PCDH15: variants seen among roughly 807,000 people sequenced by gnomAD.
PCDH15 encodes protocadherin related 15.
In PCDH15, 129 loss-of-function variants were observed where a neutral mutation model predicts 178.5. That is an observed-to-expected ratio of 0.72 (90% CI 0.63 to 0.84). The LOEUF (loss-of-function observed/expected upper bound fraction) is 0.84, where lower values mean the gene tolerates loss of function less well. PCDH15 is among the 40% of genes least tolerant of loss of function. The pLI is 0.00. For missense variants in PCDH15, 2,230 were observed against 2,099.9 expected, an observed-to-expected ratio of 1.06 and a Z score of -1.21; for synonymous variants, 800 against 732.0, an observed-to-expected ratio of 1.09 and a Z score of -1.50.
chr10:53,949,938 G>A (rs910478781), intron 23 of PCDH15, among the ~76,000 whole-genome samples: 3 of 152,000 alleles, frequency 2.0e-5, no homozygotes, highest in African/African-American at 7.2e-5. Context: ...CTAATCCTTT[G>A]TTAAATATAC....
At chr10:55,240,054 G>C (rs1841499177) in intron 1 of PCDH15, among the ~76,000 whole-genome samples, 1 of 152,142 alleles carries the variant, frequency 6.6e-6, no homozygotes, top group Admixed American at 6.5e-5. Context: ...TGTGGAGGAA[G>C]CGGAACCCTT....
intron 2 of PCDH15, among the ~76,000 whole-genome samples, chr10:55,569,270 T>C (rs1842361351): frequency 6.6e-6 from 1 of 152,016 alleles, no homozygotes; most frequent in South Asian, 2.1e-4. Flanking sequence ...ATAAGATGCT[T>C]CAGTACTTTC....
At position 55,044,560 on chromosome 10, in the gene PCDH15, T is replaced by A. The variant is rs141955143; in HGVS notation, c.-80+122016A>T. On this transcript the variant is annotated intron_variant, in intron 2 of 5. Coordinates refer to the PCDH15 transcript ENST00000458638. Reference sequence around the variant, plus strand: ...AGGAAATCAGAGGTATTGACATACCTCTACATTCTCTAGACTCAAAGCCAA... The same window carrying A: ...AGGAAATCAGAGGTATTGACATACCACTACATTCTCTAGACTCAAAGCCAA... Among the ~76,000 whole-genome samples the A allele has an allele frequency of 4.5e-3, 687 of 152,236 alleles. 8 individuals carry two copies. The highest frequency in any genetic ancestry group is 0.02 in the Middle Eastern group (6 of 294).
intron 9 of PCDH15, among the ~76,000 whole-genome samples, chr10:54,232,161 C>T (rs750372089): frequency 5.6e-4 from 85 of 152,226 alleles, no homozygotes; most frequent in Non-Finnish European, 8.2e-4. Context: ...GGTAGGAGGT[C>T]ATTGAATAAT....
chr10:54,759,713 T>A (rs987543246), intron 1 of PCDH15, among the ~76,000 whole-genome samples: 11 of 152,198 alleles, frequency 7.2e-5, no homozygotes, highest in Non-Finnish European at 1.3e-4. Context: ...ATGCACACTA[T>A]CAGGACATAA....
chr10:55,060,046 C>T (rs1399836291), intron 2 of PCDH15, among the ~76,000 whole-genome samples: 1 of 151,868 alleles, frequency 6.6e-6, no homozygotes. Flanking sequence ...TCCCACTGTT[C>T]AGCTCTACTG....
chr10:54,799,861 CA>C (rs1043591456), intron 1 of PCDH15, among the ~76,000 whole-genome samples: 1 of 151,006 alleles, frequency 6.6e-6, no homozygotes, highest in Non-Finnish European at 1.5e-5. Flanking sequence ...GAAAAGAAAA[CA>C]AAAAAACAGT....
intron 2 of PCDH15, among the ~76,000 whole-genome samples, chr10:55,078,003 T>C (rs1275488890): frequency 6.6e-6 from 1 of 152,230 alleles, no homozygotes; most frequent in African/African-American, 2.4e-5. Context: ...CTTGTAGGAC[T>C]GGTCTGGTTG....
chr10:55,355,405 T>G (rs1845050451), intron 2 of PCDH15, among the ~76,000 whole-genome samples: 2 of 151,956 alleles, frequency 1.3e-5, no homozygotes, highest in South Asian at 2.1e-4. Context: ...GCATTTGGTG[T>G]TGTAGTTTTG....
intron 1 of PCDH15, among the ~76,000 whole-genome samples, chr10:55,251,766 A>G (rs1841844318): frequency 1.3e-5 from 2 of 152,314 alleles, no homozygotes; most frequent in Non-Finnish European, 2.9e-5. Flanking sequence ...TTGTCAGGAT[A>G]CACTAGGTTA....
intron 3 of PCDH15, among the ~76,000 whole-genome samples, chr10:54,824,878 T>C (rs1230150048): frequency 6.6e-6 from 1 of 152,136 alleles, no homozygotes; most frequent in Non-Finnish European, 1.5e-5. Flanking sequence ...CTTTTATTTT[T>C]TATTATTATT....
chr10:55,314,700 TAGA>T (rs1290853879), intron 1 of PCDH15, among the ~76,000 whole-genome samples: 10 of 152,180 alleles, frequency 6.6e-5, no homozygotes, highest in Non-Finnish European at 1.2e-4. Context: ...TCAAATGTAG[TAGA>T]ATTGTCTTCT....
intron 2 of PCDH15, among the ~76,000 whole-genome samples, chr10:54,627,049 G>A (rs925150300): frequency 7.2e-5 from 11 of 152,148 alleles, no homozygotes; most frequent in African/African-American, 1.2e-4. Flanking sequence ...CCTTTGCTTC[G>A]GCAAATTTCT....
At chr10:55,592,654 C>T (rs1842865162) in intron 2 of PCDH15, among the ~76,000 whole-genome samples, 1 of 152,066 alleles carries the variant, frequency 6.6e-6, no homozygotes, top group African/African-American at 2.4e-5. Flanking sequence ...TGAATGCACA[C>T]CTAAAATATC....
chr10:53,864,984 C>T lies in PCDH15; in HGVS notation c.3717+1658G>A, dbSNP rs1016200530. ...GGCATGGTGGTGAGTGCTTGCAGTC[C>T]TAGGTGCTAGGGTGGCTGAGGTGGG... On this transcript the variant is annotated intron_variant, in intron 27 of 37. Transcript: ENST00000644397. 7.9e-5 allele frequency among the ~76,000 whole-genome samples: 12 copies of T among 151,984 alleles called. No homozygotes were observed. In the South Asian group the frequency reaches 2.3e-3, roughly 29 times the overall value.
chr10:54,338,153 A>C (rs943286844), intron 6 of PCDH15, among the ~76,000 whole-genome samples: 5 of 152,196 alleles, frequency 3.3e-5, no homozygotes, highest in Non-Finnish European at 7.3e-5. Context: ...TTTGAAACTT[A>C]AAAGTCACAG....
At chr10:54,545,045 T>A (rs1590018348) in intron 2 of PCDH15, among the ~76,000 whole-genome samples, 1 of 152,058 alleles carries the variant, frequency 6.6e-6, no homozygotes, top group Non-Finnish European at 1.5e-5. Flanking sequence ...GTTCATGAAC[T>A]TGACACTAAG....
intron 20 of PCDH15, among the ~76,000 whole-genome samples, chr10:53,995,985 C>G (rs2134908546): frequency 6.6e-6 from 1 of 152,178 alleles, no homozygotes; most frequent in Non-Finnish European, 1.5e-5. Context: ...GGCCGTTCCA[C>G]TGGAATAAAG....
At chr10:55,573,890 G>A (rs181208773) in intron 2 of PCDH15, among the ~76,000 whole-genome samples, 12 of 151,606 alleles carry the variant, frequency 7.9e-5, no homozygotes, top group Admixed American at 6.6e-4. Flanking sequence ...TTATTATAAC[G>A]TTTCTTTTAA....
Sources: allele counts gnomAD v4.1 joint callset (sites outside exome capture counted in the v4.1 genomes callset), GRCh38; gene constraint gnomAD v4.1.1; transcripts MANE v1.5; gene names NCBI Gene and HGNC (gene_info 2026-07-23, HGNC 2026-07-21).